TSPAN19: variants seen among roughly 807,000 people sequenced by gnomAD.
TSPAN19 encodes the protein tetraspanin 19, also known as tetraspanin-19.
In TSPAN19, 44 loss-of-function variants were observed where a neutral mutation model predicts 35.1. The observed-to-expected ratio is 1.25, with a 90% CI of 0.98 to 1.61. The LOEUF (loss-of-function observed/expected upper bound fraction) is 1.61. TSPAN19 is among the 40% of genes most tolerant of loss of function. TSPAN19 has a pLI of 0.00. For synonymous variants in TSPAN19, 79 were observed against 92.0 expected (o/e 0.86, Z 0.81); for missense variants, 290 against 280.0 (o/e 1.04, Z -0.26).
rs950941682 is a variant in TSPAN19 at position 85,023,670 on chromosome 12, T to A, written c.265-270A>T. On this transcript the variant is annotated intron_variant, in intron 4 of 8. Coordinates refer to ENST00000532498, the MANE Select transcript of TSPAN19 (RefSeq NM_001100917.2). ...TCCAATAGAGTTGTCGATGATGCCA[T>A]CTTAATTCAGTTCTAAAGCTATTAT... Among the ~76,000 whole-genome samples the A allele has an allele frequency of 7.2e-5, 11 of 152,152 alleles. No individual in the cohort carries two copies. The South Asian group carries it at 1.2e-3, about 17-fold the overall frequency.
chr12:85,018,704 T>C (rs973348519), intron 6 of TSPAN19, among the ~76,000 whole-genome samples: 1 of 151,996 alleles, frequency 6.6e-6, no homozygotes. Flanking sequence ...AGGCATATAA[T>C]ATAGCAGTAA....
intron 4 of TSPAN19, among the ~76,000 whole-genome samples, chr12:85,027,173 C>A (rs1042404471): frequency 6.6e-6 from 1 of 152,096 alleles, no homozygotes; most frequent in Non-Finnish European, 1.5e-5. Flanking sequence ...AGTGGGCAAC[C>A]AGATGCTAGA....
intron 7 of TSPAN19, 135 bp from the exon 8 acceptor site, chr12:85,016,106 A>C: frequency 1.9e-6 from 1 of 530,194 alleles, no homozygotes. Context: ...CTAATTGGCG[A>C]ACTGGACTTT....
chr12:85,019,656 C>G lies in TSPAN19; in HGVS notation c.420G>C (p.Lys140Asn). ...GSKDKPEDIT[K>N]WTILNALQKT... Reference sequence around the variant, plus strand: ...TCTGTAAGGCATTCAGAATAGTCCACTTGGTTATATCTTCAGGCTTATCTT... The same window carrying G: ...TCTGTAAGGCATTCAGAATAGTCCAGTTGGTTATATCTTCAGGCTTATCTT... Residue 140 changes from lysine (K) to asparagine (N), a missense_variant, in exon 6 of 9, where the codon AAG (lysine) becomes AAC (asparagine). Lys to Asn is a moderately conservative substitution (Grantham distance 94). Coordinates refer to ENST00000532498, the MANE Select transcript of TSPAN19 (RefSeq NM_001100917.2). The G allele has an allele frequency of 6.2e-7, 1 of 1,607,714 alleles. No individual in the cohort carries two copies. Among genetic ancestry groups the G allele is most frequent in the South Asian group, 1.1e-5 (1 of 90,602 alleles).
At chr12:85,022,445 G>C (rs555971788) in intron 5 of TSPAN19, among the ~76,000 whole-genome samples, 1 of 152,194 alleles carries the variant, frequency 6.6e-6, no homozygotes, top group African/African-American at 2.4e-5. Context: ...TTAATCAGGA[G>C]ATCCTTCAAG....
At chr12:85,022,450 T>C (rs1877179466) in intron 5 of TSPAN19, among the ~76,000 whole-genome samples, 1 of 152,088 alleles carries the variant, frequency 6.6e-6, no homozygotes, top group Non-Finnish European at 1.5e-5. Flanking sequence ...CAGGAGATCC[T>C]TCAAGATTAA....
chr12:85,034,860 T>C (rs977609231), intron 1 of TSPAN19, among the ~76,000 whole-genome samples: 4 of 152,190 alleles, frequency 2.6e-5, no homozygotes, highest in African/African-American at 9.6e-5. Flanking sequence ...CTTCAGAAAA[T>C]CTTTCACTGT....
intron 6 of TSPAN19, 59 bp from the exon 7 acceptor site, chr12:85,017,658 G>T (rs1876889370): frequency 7.5e-7 from 1 of 1,330,530 alleles, no homozygotes. Flanking sequence ...TTAATTATAT[G>T]AGATTAATAT....
At chr12:85,023,498 C>T (rs1218865152) in intron 4 of TSPAN19, 98 bp from the exon 5 acceptor site, 2 of 978,958 alleles carry the variant, frequency 2.0e-6, no homozygotes, top group Non-Finnish European at 3.0e-6. Context: ...AATATGCAAC[C>T]ATAAAGTATA....
In TSPAN19 at chr12:85,028,029, A is replaced by C. The variant is rs1433085409; in HGVS notation, c.140-6T>G. 1 of 1,530,320 alleles carries C rather than the reference A, an allele frequency of 6.5e-7. No homozygotes were observed. Among genetic ancestry groups the C allele is most frequent in the African/African-American group, 1.4e-5 (1 of 71,346 alleles). 94.8% of individuals were successfully genotyped at this position (1,530,320 alleles called of 1,614,324 possible). A position where few individuals can be genotyped will look rare whatever the true frequency, so the allele number is the denominator to read the frequency against. ...TATGAAGTGATTATTTTCATCTGTG[A>C]AAAGTACAAATTTACTTATTATGAA... On this transcript the variant is annotated splice_region_variant and splice_polypyrimidine_tract_variant and intron_variant, in intron 3 of 8. Coordinates refer to ENST00000532498, the MANE Select transcript of TSPAN19 (RefSeq NM_001100917.2).
At chr12:85,024,745 C>G (rs1592663690) in intron 4 of TSPAN19, 1 of 150,036 alleles carries the variant, frequency 6.7e-6, no homozygotes, top group East Asian at 2.0e-4. Context: ...CCACTGCACT[C>G]CAGCCTAGTG....
chr12:85,018,856 G>C (rs920319275), intron 6 of TSPAN19, among the ~76,000 whole-genome samples: 2 of 151,766 alleles, frequency 1.3e-5, no homozygotes, highest in African/African-American at 4.8e-5. Flanking sequence ...TTATAGGGTT[G>C]GGAGGACTGA....
At chr12:85,017,708 C>T in intron 6 of TSPAN19, 109 bp from the exon 7 acceptor site, 1 of 763,678 alleles carries the variant, frequency 1.3e-6, no homozygotes, top group East Asian at 2.9e-5. Context: ...ATTAATTTTT[C>T]CCCATGAACA....
Sources: allele counts gnomAD v4.1 joint callset (sites outside exome capture counted in the v4.1 genomes callset), GRCh38; gene constraint gnomAD v4.1.1; transcripts MANE v1.5; gene names NCBI Gene and HGNC (gene_info 2026-07-23, HGNC 2026-07-21).